Variants in SLC45A2 observed in about 807,000 individuals in gnomAD.
SLC45A2 encodes solute carrier family 45 member 2.
SLC45A2 carries 36 observed loss-of-function variants against 45.5 expected under a neutral mutation model. The ratio of observed to expected loss-of-function variants is 0.79; its 90% confidence interval spans 0.61 to 1.04. The LOEUF is 1.04. SLC45A2 is among the 50% of genes least tolerant of loss of function. SLC45A2 has a pLI of 0.00. For synonymous variants in SLC45A2, 306 were observed against 269.3 expected, an observed-to-expected ratio of 1.14 and a Z score of -1.33; for missense variants, 719 against 671.0, an observed-to-expected ratio of 1.07 and a Z score of -0.79.
intron 3 of SLC45A2, among the ~76,000 whole-genome samples, chr5:33,963,349 T>C (rs957764589): frequency 2.6e-5 from 4 of 151,992 alleles, no homozygotes; most frequent in African/African-American, 9.7e-5. Flanking sequence ...GAGGAAAAAA[T>C]TTCTAATTTA....
At chr5:33,963,592 C>T in intron 3 of SLC45A2, 99 bp downstream of exon 3, 1 of 1,401,448 alleles carries the variant, frequency 7.1e-7, no homozygotes, top group Non-Finnish European at 1.0e-6. Context: ...CCATGAAACT[C>T]TTCTCGTCAA....
chr5:33,964,853 G>T (rs1299440293), intron 2 of SLC45A2, among the ~76,000 whole-genome samples: 2 of 152,158 alleles, frequency 1.3e-5, no homozygotes, highest in African/African-American at 4.8e-5. Context: ...GTATGGGCAA[G>T]AAATTACTCA....
Position 33,947,183 on chromosome 5 carries a change from G to T in SLC45A2, c.1348C>A (p.His450Asn), listed in dbSNP as rs1449411080. ...CACACCTCCTTTTCTTCCTCGCGGT[G>T]GTACTCAGTAATGAGGTTAAAGGGC... ...TVPFNLITEYHREEEKERQQA... is the reference protein window; with the variant it reads ...TVPFNLITEYNREEEKERQQA... The change falls in exon 6 of 7, where the codon CAC becomes AAC. Residue 450 changes from histidine to asparagine, a missense_variant. His to Asn is a moderately conservative substitution (Grantham distance 68, BLOSUM62 1). Transcript: ENST00000296589. 1 of 1,614,184 alleles carries T rather than the reference G, an allele frequency of 6.2e-7. No individual in the cohort carries two copies. The highest frequency in any genetic ancestry group is 8.5e-7 in the Non-Finnish European group (1 of 1,180,042).
Position 33,972,176 on chromosome 5 carries a change from G to C in SLC45A2, c.563-8160C>G, listed in dbSNP as rs1361843788. ...ATGCATCATTTTTATGGATGAATTA[G>C]ATGCTATTGATGGTTGTTGGTTTTC... is the stretch of plus-strand genomic sequence containing the variant. On this transcript the variant is annotated intron_variant, in intron 2 of 6. Coordinates refer to ENST00000296589, the MANE Select transcript of SLC45A2 (RefSeq NM_016180.5). 7.7e-6 allele frequency: 4 copies of C among 521,986 alleles called. No individual in the cohort carries two copies. The East Asian group carries it at 1.6e-4, about 21-fold the overall frequency. 32.3% of individuals were successfully genotyped at this position (521,986 alleles called of 1,614,324 possible).
At position 33,947,267 on chromosome 5, in the gene SLC45A2, A is replaced by G. The variant is rs758560526; in HGVS notation, c.1264T>C (p.Tyr422His). ...AGGCTGCACAGGACCAGGGTGGAGT[A>G]GACATTCGGGAAGAGCCCAATAAAT... ...TGFIGLFPNV[Y>H]STLVLCSLFG... is the part of the protein sequence containing the mutation. Residue 422 changes from tyrosine to histidine, a missense_variant, in exon 6 of 7, where the codon TAC (tyrosine) becomes CAC (histidine). Coordinates refer to ENST00000296589, the MANE Select transcript of SLC45A2 (RefSeq NM_016180.5). The G allele has an allele frequency of 1.1e-5, 17 of 1,614,130 alleles. No individual in the cohort carries two copies. In the South Asian group the frequency reaches 1.3e-4, roughly 13 times the overall value.
chr5:33,967,552 A>G (rs1035082310), intron 2 of SLC45A2, among the ~76,000 whole-genome samples: 2 of 152,180 alleles, frequency 1.3e-5, no homozygotes, highest in Non-Finnish European at 1.5e-5. Context: ...TCCTTTCTTG[A>G]GAAATGGTAC....
intron 3 of SLC45A2, among the ~76,000 whole-genome samples, chr5:33,961,644 G>T (rs1423821283): frequency 6.6e-6 from 1 of 152,044 alleles, no homozygotes; most frequent in Non-Finnish European, 1.5e-5. Flanking sequence ...AAAAGCAATT[G>T]CTATTTTGCC....
At chr5:33,952,707 T>A (rs173662) in intron 4 of SLC45A2, among the ~76,000 whole-genome samples, 1 of 128,682 alleles carries the variant, frequency 7.8e-6, no homozygotes, top group Admixed American at 7.3e-5. Context: ...TTTTTTTTTA[T>A]TATACTCTAA....
At chr5:33,962,274 A>G (rs1028324628) in intron 3 of SLC45A2, among the ~76,000 whole-genome samples, 12 of 152,216 alleles carry the variant, frequency 7.9e-5, no homozygotes, top group African/African-American at 2.9e-4. Context: ...ATGGTCCCCA[A>G]ATATCTAGTA....
At chr5:33,954,981 T>C (rs1181270583) in intron 3 of SLC45A2, among the ~76,000 whole-genome samples, 1 of 152,238 alleles carries the variant, frequency 6.6e-6, no homozygotes, top group Non-Finnish European at 1.5e-5. Context: ...AAAGGGATTT[T>C]GCAGATATAT....
At chr5:33,980,645 C>T (rs1007760709) in intron 2 of SLC45A2, among the ~76,000 whole-genome samples, 16 of 152,268 alleles carry the variant, frequency 1.1e-4, no homozygotes, top group African/African-American at 3.9e-4. Flanking sequence ...GAGAACAAAA[C>T]AACAGGTCTG....
chr5:33,958,127 T>C (rs374842260), intron 3 of SLC45A2, among the ~76,000 whole-genome samples: 10 of 152,182 alleles, frequency 6.6e-5, no homozygotes, highest in East Asian at 3.9e-4. Context: ...TACAGAGTCA[T>C]CAGGGAGAAA....
At chr5:33,959,225 A>G (rs1336284484) in intron 3 of SLC45A2, among the ~76,000 whole-genome samples, 3 of 152,142 alleles carry the variant, frequency 2.0e-5, no homozygotes, top group African/African-American at 7.2e-5. Flanking sequence ...TCCCAAAAAA[A>G]GATGGTTTTG....
chr5:33,950,895 A>G (rs569996993), intron 5 of SLC45A2, among the ~76,000 whole-genome samples: 2 of 152,362 alleles, frequency 1.3e-5, no homozygotes, highest in Admixed American at 6.5e-5. Flanking sequence ...ATCCATACAC[A>G]GTCGCAAGTA....
At chr5:33,974,066 T>A (rs192620302) in intron 2 of SLC45A2, among the ~76,000 whole-genome samples, 3 of 152,328 alleles carry the variant, frequency 2.0e-5, no homozygotes. Flanking sequence ...TGGGTTCAAG[T>A]AGCAGAAATA....
At chr5:33,956,012 A>T (rs1039652581) in intron 3 of SLC45A2, among the ~76,000 whole-genome samples, 1 of 132,432 alleles carries the variant, frequency 7.6e-6, no homozygotes, top group Non-Finnish European at 1.8e-5. Flanking sequence ...GGAAGGAACC[A>T]GATGGTGTTA....
chr5:33,972,433 T>A (rs1276079538), intron 2 of SLC45A2: 3 of 323,136 alleles, frequency 9.3e-6, no homozygotes, highest in Non-Finnish European at 1.9e-5. Flanking sequence ...CAAAGTATGG[T>A]GAAATTAATT....
rs1406909298 is a variant in SLC45A2, at chr5:33,954,908, A to T, written c.889-404T>A. 2.6e-5 allele frequency among the ~76,000 whole-genome samples: 4 copies of T among 152,214 alleles called. No homozygotes were observed. In the East Asian group the frequency reaches 7.7e-4, roughly 29 times the overall value. On this transcript the variant is annotated intron_variant, in intron 3 of 6. Transcript: ENST00000296589. The stretch of plus-strand genomic sequence containing the variant: ...CTGTGAGAGCATAGTAGGCAAATCC[A>T]AGATGTCTGTCATGATCTTGGTCCC...
chr5:33,970,913 A>G (rs1180447654), intron 2 of SLC45A2: 1 of 385,076 alleles, frequency 2.6e-6, no homozygotes, highest in Admixed American at 3.3e-5. Context: ...AGAAGCTGCC[A>G]GAGTGCATGG....
Sources: gnomAD v4.1 joint callset for allele counts (sites outside exome capture counted in the v4.1 genomes callset) on GRCh38, gnomAD v4.1.1 for gene constraint, MANE v1.5 for transcripts, NCBI Gene and HGNC (gene_info 2026-07-23, HGNC 2026-07-21) for gene names.